MTERF4: variants seen among roughly 807,000 people sequenced by gnomAD.
MTERF4 encodes transcription termination factor 4, mitochondrial.
MTERF4 carries 17 observed loss-of-function variants against 22.5 expected under a neutral mutation model. That is an observed-to-expected ratio of 0.75 (90% CI 0.52 to 1.13). MTERF4 has a LOEUF of 1.13. MTERF4 is among the 50% of genes most tolerant of loss of function. The pLI, the probability that MTERF4 is intolerant of heterozygous loss-of-function variation, is 0.00. For missense variants in MTERF4, 420 were observed against 466.8 expected, an observed-to-expected ratio of 0.90 and a Z score of 0.92; for synonymous variants, 165 against 175.3, an observed-to-expected ratio of 0.94 and a Z score of 0.47.
chr2:241,072,077 A>G (rs1241142100), downstream of MTERF4: 2 of 702,968 alleles, frequency 2.8e-6, no homozygotes, highest in Non-Finnish European at 5.2e-6. Flanking sequence ...CAGGAGGGGC[A>G]GCTCGTGAGG....
downstream of MTERF4, chr2:241,091,648 G>A (rs1158304608): frequency 1.3e-5 from 2 of 152,210 alleles, no homozygotes; most frequent in Non-Finnish European, 2.9e-5. This position sits in a 1 kb window ranked among gnomAD's most constrained non-coding sequence, Gnocchi z 4.1. Context: ...GATTTAAGAC[G>A]TTCTTGTTAC....
the MTERF4 span, chr2:241,065,432 C>T: frequency 3.5e-5 from 56 of 1,612,954 alleles, no homozygotes; most frequent in African/African-American, 5.3e-4. Context: ...TCTCCTCCGA[C>T]GGCTCCTACC....
At chr2:241,063,584 CAG>C in the MTERF4 span, 1 of 1,595,392 alleles carries the variant, frequency 6.3e-7, no homozygotes, top group Non-Finnish European at 8.6e-7. Context: ...CTTCTCTGTG[CAG>C]AGAGGGATGA....
At chr2:241,057,361 G>A in the MTERF4 span, among the ~76,000 whole-genome samples, 10 of 129,014 alleles carry the variant, frequency 7.8e-5, no homozygotes, top group East Asian at 2.5e-4. Flanking sequence ...CCTGGGCGAC[G>A]AGCAAAACTC....
chr2:241,065,496 G>T, the MTERF4 span: 1 of 1,612,906 alleles, frequency 6.2e-7, no homozygotes, highest in Non-Finnish European at 8.5e-7. Context: ...CCAGGCCCTG[G>T]CGGCCGGCAG....
chr2:241,061,968 T>C, the MTERF4 span, among the ~76,000 whole-genome samples: 1 of 152,202 alleles, frequency 6.6e-6, no homozygotes, highest in Non-Finnish European at 1.5e-5. Context: ...TGTAATGTTA[T>C]TCAGCAGTGA....
chr2:241,053,232 G>T, the MTERF4 span: 5 of 1,609,080 alleles, frequency 3.1e-6, no homozygotes, highest in Non-Finnish European at 4.2e-6. Context: ...CGGTGGCCCT[G>T]TATGCATGTG....
the MTERF4 span, among the ~76,000 whole-genome samples, chr2:241,054,176 C>T: frequency 6.6e-6 from 1 of 152,198 alleles, no homozygotes; most frequent in African/African-American, 2.4e-5. Context: ...ATGACCCCCC[C>T]TCCCAATGCT....
chr2:241,071,814 C>T (rs557912636), downstream of MTERF4: 215 of 1,599,556 alleles, frequency 1.3e-4, no homozygotes, highest in South Asian at 9.5e-4. Flanking sequence ...AGCTTGTGGA[C>T]GGCAGAGGAA....
chr2:241,088,757 C>CCACCTGG (rs1370978497), downstream of MTERF4: 1 of 287,422 alleles, frequency 3.5e-6, no homozygotes, highest in Non-Finnish European at 6.4e-6. Context: ...GGCTGGAAGA[C>CCACCTGG]CACCTGGCAC....
rs1041598311 is a variant in MTERF4 at position 241,096,973 on chromosome 2, A to G, written c.705+270T>C. The stretch of plus-strand genomic sequence containing the variant: ...TCATTATTAATGGCAGAAAAGTTGA[A>G]GAATAGGTTTGATCTGTAGTAAAGA... On this transcript the variant is annotated intron_variant, in intron 3 of 3. Transcript: ENST00000391980. The surrounding 1 kb of genome is among the most constrained non-coding windows in gnomAD (Gnocchi z 5.1). 1.7e-6 allele frequency: 1 copy of G among 587,180 alleles called. No homozygotes were observed. Among genetic ancestry groups the G allele is most frequent in the Non-Finnish European group, 3.0e-6 (1 of 333,924 alleles). The allele number at this position is 587,180 out of a possible 1,614,324, so 36.4% of individuals were successfully genotyped here.
At position 241,099,574 on chromosome 2, in the gene MTERF4, A is replaced by G. The variant is rs2064607226; in HGVS notation, c.342T>C (p.Ser114=). 2.5e-6 allele frequency: 4 copies of G among 1,614,124 alleles called. No homozygotes were observed. The highest frequency in any genetic ancestry group is 1.7e-5 in the Admixed American group (1 of 60,012). The change falls in exon 2 of 4, where the codon AGT becomes AGC. Residue 114 remains serine, a synonymous_variant. Coordinates refer to ENST00000391980, the MANE Select transcript of MTERF4 (RefSeq NM_182501.4). ...GTTGAAGACTGGCACCTCGCCGTACACTGAGCAATTCATTAATATGGGCAT... is the reference window on the plus strand; with the variant it reads ...GTTGAAGACTGGCACCTCGCCGTACGCTGAGCAATTCATTAATATGGGCAT... ...FSNAHINELL[S]VRRGASLQQL...
chr2:241,079,654 CAAT>C (rs1034225697), intron 4 of MTERF4, among the ~76,000 whole-genome samples: 2 of 151,794 alleles, frequency 1.3e-5, no homozygotes, highest in Middle Eastern at 3.2e-3. Context: ...GTTTTAAAAA[CAAT>C]AAAAAGAAAA....
At chr2:241,088,551 C>T (rs1455170799), downstream of MTERF4, 8 of 673,466 alleles carry the variant, frequency 1.2e-5, no homozygotes, top group South Asian at 5.1e-5. Flanking sequence ...TACAGACTCC[C>T]GGGCAGGAAG....
chr2:241,067,998 G>T (rs1285689849), downstream of MTERF4: 2 of 1,523,712 alleles, frequency 1.3e-6, no homozygotes, highest in Non-Finnish European at 9.0e-7. Context: ...AGGGGTGGGG[G>T]CTCGGGGACA....
the MTERF4 span, among the ~76,000 whole-genome samples, chr2:241,059,984 T>C: frequency 6.6e-6 from 1 of 151,910 alleles, no homozygotes; most frequent in African/African-American, 2.4e-5. Flanking sequence ...GCATAGAAAA[T>C]CCTAAGGAAA....
chr2:241,069,873 G>A (rs1459256483), downstream of MTERF4: 3 of 1,585,184 alleles, frequency 1.9e-6, no homozygotes, highest in East Asian at 2.2e-5. This position sits in a 1 kb window ranked among gnomAD's most constrained non-coding sequence, Gnocchi z 4.9. Context: ...CTTGCCAGAA[G>A]ACCCTGTGGG....
downstream of MTERF4, among the ~76,000 whole-genome samples, chr2:241,084,609 TG>T (rs2063494207): frequency 6.6e-6 from 1 of 152,244 alleles, no homozygotes; most frequent in African/African-American, 2.4e-5. Context: ...CTTCCACATA[TG>T]CTGTGAACTG....
chr2:241,058,215 A>C, the MTERF4 span, among the ~76,000 whole-genome samples: 4 of 152,228 alleles, frequency 2.6e-5, no homozygotes, highest in African/African-American at 9.6e-5. Context: ...TCTCAATGAT[A>C]ATTGGTTCCG....
Sources: gnomAD v4.1 joint callset for allele counts (sites outside exome capture counted in the v4.1 genomes callset) on GRCh38, gnomAD v4.1.1 for gene constraint, Gnocchi (gnomAD v3.1) non-coding constraint, MANE v1.5 for transcripts, NCBI Gene and HGNC (gene_info 2026-07-23, HGNC 2026-07-21) for gene names.